Variants in STXBP5 observed in about 807,000 individuals in gnomAD.
The protein encoded by STXBP5 is syntaxin-binding protein 5.
In STXBP5, 50 loss-of-function variants were observed where a neutral mutation model predicts 152.4. The ratio of observed to expected loss-of-function variants is 0.33; its 90% confidence interval spans 0.26 to 0.42. STXBP5 has a LOEUF of 0.42. STXBP5 is among the 10% of genes least tolerant of loss of function. STXBP5 has a pLI of 1.00. For missense variants in STXBP5, 1,167 were observed against 1,388.6 expected (o/e 0.84, Z 2.54); for synonymous variants, 492 against 494.7 (o/e 0.99, Z 0.07).
At position 147,385,178 on chromosome 6, in the gene STXBP5, T is replaced by A. The variant is rs1786280581; in HGVS notation, c.*423T>A. On this transcript the variant is annotated 3_prime_UTR_variant, in exon 28 of 28. Transcript: ENST00000321680. Reference sequence around the variant, plus strand: ...GTCAGAAGTCTTGAAGTTGAAATAGTTATATGTGTGTCATTGGACTGGATT... The same window carrying A: ...GTCAGAAGTCTTGAAGTTGAAATAGATATATGTGTGTCATTGGACTGGATT... 6.0e-6 allele frequency: 1 copy of A among 166,812 alleles called. No homozygotes were observed. The highest frequency in any genetic ancestry group is 2.4e-5 in the African/African-American group (1 of 41,642). 10.3% of individuals were successfully genotyped at this position (166,812 alleles called of 1,614,324 possible).
intron 2 of STXBP5, among the ~76,000 whole-genome samples, chr6:147,231,946 G>A (rs997369023): frequency 6.6e-6 from 1 of 151,874 alleles, no homozygotes; most frequent in African/African-American, 2.4e-5. Flanking sequence ...ACATTTTCTT[G>A]TATTATAATG....
At chr6:147,363,890 A>T in intron 24 of STXBP5, 111 bp from the exon 25 acceptor site, 1 of 1,388,204 alleles carries the variant, frequency 7.2e-7, no homozygotes, top group Non-Finnish European at 9.8e-7. Context: ...CCACTCAAGT[A>T]TACAAACTAA....
chr6:147,316,186 A>G, intron 15 of STXBP5, 43 bp from the exon 16 acceptor site: 1 of 1,569,102 alleles, frequency 6.4e-7, no homozygotes, highest in African/African-American at 1.4e-5. Flanking sequence ...TAAAATGAGC[A>G]ATAATTATTA....
At chr6:147,315,999 G>A (rs1782623820) in intron 15 of STXBP5, among the ~76,000 whole-genome samples, 1 of 151,954 alleles carries the variant, frequency 6.6e-6, no homozygotes. Context: ...ATATTAACAC[G>A]AGTACCATAC....
chr6:147,327,617 A>G (rs1356578462), intron 18 of STXBP5, among the ~76,000 whole-genome samples: 2 of 151,832 alleles, frequency 1.3e-5, no homozygotes, highest in African/African-American at 2.4e-5. Flanking sequence ...GGTTTTTTGT[A>G]TTTTTTGTAC....
chr6:147,378,263 A>C (rs935766258), intron 26 of STXBP5, among the ~76,000 whole-genome samples: 1 of 152,100 alleles, frequency 6.6e-6, no homozygotes, highest in Non-Finnish European at 1.5e-5. Flanking sequence ...AAACCAAAAT[A>C]GTATTAGAAA....
intron 3 of STXBP5, 66 bp from the exon 4 acceptor site, chr6:147,239,104 C>T (rs1778413732): frequency 2.2e-6 from 3 of 1,377,140 alleles, no homozygotes; most frequent in East Asian, 4.8e-5. Flanking sequence ...TTTCTGGCAG[C>T]TATTGAGTAG....
At chr6:147,208,198 C>A (rs1470796333) in intron 2 of STXBP5, among the ~76,000 whole-genome samples, 1 of 152,008 alleles carries the variant, frequency 6.6e-6, no homozygotes, top group Non-Finnish European at 1.5e-5. Flanking sequence ...ACTAAATTAC[C>A]TTCTACTTTG....
intron 9 of STXBP5, among the ~76,000 whole-genome samples, chr6:147,309,514 T>G (rs1020877441): frequency 2.0e-5 from 3 of 152,130 alleles, no homozygotes; most frequent in Non-Finnish European, 4.4e-5. Flanking sequence ...TGGGGCTAAT[T>G]AGAATTATCA....
intron 25 of STXBP5, among the ~76,000 whole-genome samples, chr6:147,368,272 T>G (rs1385035495): frequency 6.6e-6 from 1 of 151,700 alleles, no homozygotes; most frequent in East Asian, 1.9e-4. Flanking sequence ...AAAAAAAAAT[T>G]TTTGCAAATT....
intron 25 of STXBP5, among the ~76,000 whole-genome samples, chr6:147,368,258 TAAAAA>T (rs142712484): frequency 6.7e-6 from 1 of 149,838 alleles, no homozygotes; most frequent in Non-Finnish European, 1.5e-5. Flanking sequence ...CAAAATTTGT[TAAAAA>T]AAAAAAATTT....
At chr6:147,309,819 A>G (rs1027691878) in intron 9 of STXBP5, among the ~76,000 whole-genome samples, 6 of 152,162 alleles carry the variant, frequency 3.9e-5, no homozygotes, top group Non-Finnish European at 5.9e-5. Context: ...GAATTTTATG[A>G]AAATTTTATT....
chr6:147,332,674 T>C (rs964865724), intron 18 of STXBP5, among the ~76,000 whole-genome samples: 3 of 152,182 alleles, frequency 2.0e-5, no homozygotes, highest in African/African-American at 7.2e-5. Flanking sequence ...TGTAGGATCA[T>C]CTACATCACC....
intron 7 of STXBP5, among the ~76,000 whole-genome samples, chr6:147,267,381 A>G (rs781453462): frequency 1.1e-4 from 16 of 152,186 alleles, no homozygotes; most frequent in African/African-American, 3.6e-4. Context: ...CCTTACAGGT[A>G]GCATGTTACC....
chr6:147,285,714 G>A (rs1780927189), intron 8 of STXBP5, among the ~76,000 whole-genome samples: 1 of 152,062 alleles, frequency 6.6e-6, no homozygotes, highest in Non-Finnish European at 1.5e-5. Context: ...AGAAAGTTAA[G>A]AATTTTGTAC....
chr6:147,278,697 T>C (rs1780560682), intron 8 of STXBP5, among the ~76,000 whole-genome samples: 1 of 152,132 alleles, frequency 6.6e-6, no homozygotes. Flanking sequence ...ACTCAGCATA[T>C]AGTCATATTC....
intron 18 of STXBP5, among the ~76,000 whole-genome samples, chr6:147,329,961 A>AT (rs1256095273): frequency 3.9e-5 from 6 of 152,020 alleles, no homozygotes; most frequent in Non-Finnish European, 8.8e-5. Context: ...GTTTGGAGAA[A>AT]TTTTTTTGTT....
intron 2 of STXBP5, among the ~76,000 whole-genome samples, chr6:147,207,367 C>T (rs1054297192): frequency 6.6e-6 from 1 of 152,186 alleles, no homozygotes; most frequent in Non-Finnish European, 1.5e-5. Context: ...AAATACTACG[C>T]AGTCATACCT....
At chr6:147,294,601 G>A (rs1211867953) in intron 9 of STXBP5, among the ~76,000 whole-genome samples, 2 of 151,964 alleles carry the variant, frequency 1.3e-5, no homozygotes, top group Non-Finnish European at 2.9e-5. Context: ...GAAGAATCTA[G>A]TATTCCTTCC....
Sources: gnomAD v4.1 joint callset for allele counts (sites outside exome capture counted in the v4.1 genomes callset) on GRCh38, gnomAD v4.1.1 for gene constraint, MANE v1.5 for transcripts, NCBI Gene and HGNC (gene_info 2026-07-23, HGNC 2026-07-21) for gene names.